Variants in TLR6 observed in about 807,000 individuals in gnomAD.
TLR6 encodes the protein toll-like receptor 6.
In TLR6, 9 loss-of-function variants were observed where a neutral mutation model predicts 16.1. The observed-to-expected ratio is 0.56, with a 90% CI of 0.34 to 0.98. The LOEUF (loss-of-function observed/expected upper bound fraction) is 0.98, where lower values mean the gene tolerates loss of function less well. Among genes scored for constraint, TLR6 ranks in the 50% least tolerant of loss-of-function variants. The probability of loss-of-function intolerance (pLI) is 0.02; values close to 1 mark genes in which losing one functional copy is unlikely to be tolerated. For missense variants in TLR6, 786 were observed against 921.0 expected, an observed-to-expected ratio of 0.85 and a Z score of 1.90; for synonymous variants, 340 against 338.6, an observed-to-expected ratio of 1.00 and a Z score of -0.04.
downstream of TLR6, chr4:38,823,618 T>C (rs1017095620): frequency 6.6e-6 from 1 of 152,282 alleles, no homozygotes; most frequent in Non-Finnish European, 1.5e-5. Context: ...TGAGAAGGAA[T>C]AGTGCAAACA....
intron 1 of TLR6, among the ~76,000 whole-genome samples, chr4:38,846,953 G>A (rs1388362339): frequency 6.6e-6 from 1 of 152,118 alleles, no homozygotes; most frequent in Non-Finnish European, 1.5e-5. Flanking sequence ...ATGGGGAAGG[G>A]ATAGAGCTCA....
At chr4:38,827,992 A>G (rs756093178) in exon 2 of TLR6, 7 of 1,614,104 alleles carry the variant, frequency 4.3e-6, no homozygotes, top group Non-Finnish European at 5.9e-6. Flanking sequence ...AAAGGCTGCT[A>G]AAGCTGCCAC....
At chr4:38,845,582 G>C (rs1712490012) in intron 1 of TLR6, among the ~76,000 whole-genome samples, 1 of 152,194 alleles carries the variant, frequency 6.6e-6, no homozygotes, top group African/African-American at 2.4e-5. Flanking sequence ...AGGGGACTAT[G>C]AGTCAAGAAA....
At chr4:38,830,108 C>T (rs148194429) in intron 1 of TLR6, among the ~76,000 whole-genome samples, 129 of 152,310 alleles carry the variant, frequency 8.5e-4, no homozygotes, top group African/African-American at 3.0e-3. Flanking sequence ...ACCTCTGGCT[C>T]ATCTTTAGCT....
the TLR6 span, among the ~76,000 whole-genome samples, chr4:38,866,154 A>C: frequency 6.6e-6 from 1 of 151,880 alleles, no homozygotes; most frequent in South Asian, 2.1e-4. Context: ...AATATTCAGT[A>C]GCTTAAAAAA....
chr4:38,823,255 G>T (rs1432428665), downstream of TLR6, among the ~76,000 whole-genome samples: 1 of 152,096 alleles, frequency 6.6e-6, no homozygotes, highest in Non-Finnish European at 1.5e-5. Flanking sequence ...CCATACCCTT[G>T]CTATGTTTAG....
At chr4:38,827,005 A>G in exon 2 of TLR6, 1 of 1,168,698 alleles carries the variant, frequency 8.6e-7, no homozygotes, top group Non-Finnish European at 1.2e-6. Flanking sequence ...AGGCACCTCC[A>G]GACAGTTACT....
At chr4:38,842,852 C>CTT (rs200422208) in intron 1 of TLR6, among the ~76,000 whole-genome samples, 427 of 148,608 alleles carry the variant, frequency 2.9e-3, no homozygotes, top group Non-Finnish European at 4.2e-3. Flanking sequence ...ATATACTGTG[C>CTT]TTTTTTTTTT....
At chr4:38,865,425 T>C in the TLR6 span, among the ~76,000 whole-genome samples, 1 of 152,210 alleles carries the variant, frequency 6.6e-6, no homozygotes, top group Non-Finnish European at 1.5e-5. Flanking sequence ...GATAGTTTGC[T>C]TTATTTTCTT....
exon 2 of TLR6, chr4:38,828,720 G>A (rs1164179898): frequency 1.1e-5 from 17 of 1,614,108 alleles, no homozygotes; most frequent in Non-Finnish European, 1.4e-5. Flanking sequence ...GTAAAATTCA[G>A]TAAGGTTGAA....
chr4:38,839,626 TTC>T (rs1712148870), intron 1 of TLR6, among the ~76,000 whole-genome samples: 1 of 152,168 alleles, frequency 6.6e-6, no homozygotes, highest in African/African-American at 2.4e-5. Flanking sequence ...ACAAATCCAT[TTC>T]TCTCTTTCTC....
rs55963023 is a variant in TLR6 at position 38,855,125 on chromosome 4, T to A, written c.-65+1636A>T. On this transcript the variant is annotated intron_variant, in intron 1 of 1. Coordinates refer to ENST00000436693, the Ensembl canonical transcript of TLR6. ...TACTCGGGAGGCTGAGGCAGGAGAA[T>A]GGCGTGAACCCGGGAGGCGGAGCTT... Among the ~76,000 whole-genome samples the A allele has an allele frequency of 1.0e-4, 15 of 148,390 alleles. No individual in the cohort carries two copies. The South Asian group carries it at 2.5e-3, about 25-fold the overall frequency.
At chr4:38,824,260 C>CCCTTT (rs1243444391) in exon 2 of TLR6, 1 of 152,300 alleles carries the variant, frequency 6.6e-6, no homozygotes, top group Non-Finnish European at 1.5e-5. Context: ...GGAGAAGTCT[C>CCCTTT]CCTTTTTCCT....
the TLR6 span, among the ~76,000 whole-genome samples, chr4:38,862,987 C>T: frequency 1.3e-5 from 2 of 148,304 alleles, no homozygotes; most frequent in Non-Finnish European, 3.0e-5. Flanking sequence ...CCCCTCCTTG[C>T]TCCTCTATAT....
chr4:38,827,765 C>T (rs774548385), exon 2 of TLR6: 1 of 1,614,180 alleles, frequency 6.2e-7, no homozygotes, highest in Non-Finnish European at 8.5e-7. Flanking sequence ...CTTTAGTGGG[C>T]TTCCTCTATA....
intron 1 of TLR6, among the ~76,000 whole-genome samples, chr4:38,838,787 G>A (rs1712066663): frequency 6.6e-6 from 1 of 151,824 alleles, no homozygotes; most frequent in African/African-American, 2.4e-5. Context: ...TTGAGATGGT[G>A]GATATCCTAA....
chr4:38,849,168 C>G (rs1362477529), intron 1 of TLR6, among the ~76,000 whole-genome samples: 1 of 152,132 alleles, frequency 6.6e-6, no homozygotes, highest in Non-Finnish European at 1.5e-5. Context: ...ATTTCATATC[C>G]AGCCAAACTA....
intron 1 of TLR6, among the ~76,000 whole-genome samples, chr4:38,840,309 T>C (rs1202317578): frequency 6.6e-6 from 1 of 152,212 alleles, no homozygotes; most frequent in African/African-American, 2.4e-5. Flanking sequence ...AGTTACTGAC[T>C]GATTTGAAAA....
upstream of TLR6, among the ~76,000 whole-genome samples, chr4:38,858,887 G>GAA (rs1228149820): frequency 0.023 from 1,029 of 44,884 alleles, 102 homozygotes; most frequent in East Asian, 0.058. Context: ...AAGAAAGAAA[G>GAA]AGAGAAAGAA....
Sources: allele counts gnomAD v4.1 joint callset (sites outside exome capture counted in the v4.1 genomes callset), GRCh38; gene constraint gnomAD v4.1.1; transcripts MANE v1.5; gene names NCBI Gene and HGNC (gene_info 2026-07-23, HGNC 2026-07-21).